The following FGFR3 variants were observed in gnomAD, a reference collection of about 807,000 sequenced individuals.
FGFR3 encodes fibroblast growth factor receptor 3, also known as FGFR-3.
Under a neutral mutation model 82.9 loss-of-function variants are expected in FGFR3, and 25 were observed. That is an observed-to-expected ratio of 0.30 (90% confidence interval 0.22 to 0.42). FGFR3 has a LOEUF of 0.42. Ranked by LOEUF, FGFR3 falls within the 10% of genes least tolerant of loss-of-function variation. FGFR3 has a pLI of 1.00. For missense variants in FGFR3, 1,026 were observed against 1,161.0 expected (o/e 0.88, Z 1.69); for synonymous variants, 620 against 516.0 (o/e 1.20, Z -2.73).
Position 1,808,685 on chromosome 4 carries a change from C to T in FGFR3, c.*1423C>T. 4.3e-6 allele frequency: 1 copy of T among 232,416 alleles called. No homozygotes were observed. The highest frequency in any genetic ancestry group is 8.5e-6 in the Non-Finnish European group (1 of 117,390). 14.4% of individuals were successfully genotyped at this position (232,416 alleles called of 1,614,324 possible). ...AAGCCGTGAATTCAGTTGGTTCGTT[C>T]TGTACTGTTACTGGGCCCTGAGTCT... is the stretch of plus-strand genomic sequence containing the variant. On this transcript the variant is annotated 3_prime_UTR_variant, in exon 18 of 18. Coordinates refer to ENST00000440486, the MANE Select transcript of FGFR3 (RefSeq NM_000142.5).
At position 1,808,425 on chromosome 4, in the gene FGFR3, G is replaced by T. The variant is rs1403473939; in HGVS notation, c.*1163G>T. ...ATTTTTTGGACTTCAAAGCAAGCTG[G>T]TATTTTCATACAAATTCTTCTAATT... On this transcript the variant is annotated 3_prime_UTR_variant, in exon 18 of 18. Coordinates refer to ENST00000440486, the MANE Select transcript of FGFR3 (RefSeq NM_000142.5). The T allele has an allele frequency of 4.3e-6, 1 of 232,250 alleles. No individual in the cohort carries two copies. The highest frequency in any genetic ancestry group is 8.5e-6 in the Non-Finnish European group (1 of 117,310). 14.4% of individuals were successfully genotyped at this position (232,250 alleles called of 1,614,324 possible). A position where few individuals can be genotyped will look rare whatever the true frequency, so the allele number is the denominator to read the frequency against.
At chr4:1,805,045 C>G in intron 10 of FGFR3, 76 bp downstream of exon 10, 3 of 1,486,110 alleles carry the variant, frequency 2.0e-6, no homozygotes, top group Non-Finnish European at 2.7e-6. Flanking sequence ...GTCAGAGGCC[C>G]GGCTGGGTTT....
rs768644781 is a variant in FGFR3 at position 1,807,228 on chromosome 4, C to T, written c.2387C>T (p.Pro796Leu). 2.5e-6 allele frequency: 4 copies of T among 1,607,784 alleles called. No individual in the cohort carries two copies. The highest frequency in any genetic ancestry group is 4.5e-5 in the East Asian group (2 of 44,650). ...DSVFAHDLLP[P>L]APPSSGGSRT ...GTGTTTGCCCACGACCTGCTGCCCC[C>T]GGCCCCACCCAGCAGTGGGGGCTCG... The change falls in exon 18 of 18, where the codon CCG (proline) becomes CTG (leucine). Residue 796 changes from proline (P) to leucine (L), a missense_variant. Transcript: ENST00000440486.
At chr4:1,797,861 G>A (rs1354731632) in intron 2 of FGFR3, among the ~76,000 whole-genome samples, 1 of 152,206 alleles carries the variant, frequency 6.6e-6, no homozygotes, top group African/African-American at 2.4e-5. Context: ...GCTGGATCAG[G>A]TGGGTTGGGC....
intron 10 of FGFR3, 55 bp from the exon 11 acceptor site, chr4:1,805,300 T>A: frequency 6.2e-7 from 1 of 1,602,538 alleles, no homozygotes. Context: ...GGGACCGTGG[T>A]GGGCTGAGAG....
chr4:1,794,082 G>C (rs747769092), intron 2 of FGFR3, 39 bp downstream of exon 2: 1 of 1,236,760 alleles, frequency 8.1e-7, no homozygotes, highest in Non-Finnish European at 1.1e-6. Flanking sequence ...AGGCCGGCCC[G>C]TGCGGGCAGA....
intron 2 of FGFR3, among the ~76,000 whole-genome samples, chr4:1,796,473 A>G (rs1303699250): frequency 2.6e-5 from 4 of 152,006 alleles, no homozygotes; most frequent in Non-Finnish European, 5.9e-5. Context: ...AGAGAACTTC[A>G]TGTGCATCCG....
At position 1,801,422 on chromosome 4, in the gene FGFR3, G is replaced by A. The variant is rs111455601; in HGVS notation, c.501G>A (p.Pro167=). 42 of 1,552,896 alleles carry A rather than the reference G, an allele frequency of 2.7e-5. 2 individuals are homozygous for A. The highest frequency in any genetic ancestry group is 2.0e-4 in the African/African-American group (15 of 73,310). Residue 167 remains proline (P), a synonymous_variant, in exon 5 of 18, where the codon CCG becomes CCA. Coordinates refer to ENST00000440486, the MANE Select transcript of FGFR3 (RefSeq NM_000142.5). ...ERMDKKLLAV[P]AANTVRFRCP... is the part of the protein sequence containing the mutation. ...TGGACAAGAAGCTGCTGGCCGTGCC[G>A]GCCGCCAACACCGTCCGCTTCCGCT...
In FGFR3 at chr4:1,794,010, G is replaced by A. The variant is rs1720161001; in HGVS notation, c.76G>A (p.Gly26Arg). ...GGCCGGCGCCTCCTCGGAGTCCTTG[G>A]GGACGGAGCAGCGCGTCGTGGGGCG... ...IVAGASSESL[G>R]TEQRVVGRAA... The change falls in exon 2 of 18, where the codon GGG becomes AGG. Residue 26 changes from glycine (G) to arginine (R), a missense_variant. Gly to Arg is a moderately radical substitution (Grantham distance 125). Around this residue, in one of 9 missense-constraint regions of FGFR3, gnomAD observed 226 missense variants for 222.0 expected, o/e 1.02. Transcript: ENST00000440486. 2 of 1,415,208 alleles carry A rather than the reference G, an allele frequency of 1.4e-6. No individual in the cohort carries two copies. The highest frequency in any genetic ancestry group is 1.9e-6 in the Non-Finnish European group (2 of 1,073,044). 87.7% of individuals were successfully genotyped at this position (1,415,208 alleles called of 1,614,324 possible).
At position 1,803,764 on chromosome 4, in the gene FGFR3, G is replaced by A. The variant is rs772097747; in HGVS notation, c.1003G>A (p.Gly335Arg). ...SLHNVTFEDA[G>R]EYTCLAGNSI... ...GCACAACGTCACCTTTGAGGACGCC[G>A]GGGAGTACACCTGCCTGGCGGGCAA... Residue 335 changes from glycine to arginine, a missense_variant, in exon 8 of 18, where the codon GGG becomes AGG. Transcript: ENST00000440486. The A allele has an allele frequency of 6.2e-7, 1 of 1,614,060 alleles. No homozygotes were observed. Among genetic ancestry groups the A allele is most frequent in the Non-Finnish European group, 8.5e-7 (1 of 1,180,030 alleles).
Position 1,793,931 on chromosome 4 carries a change from C to T in FGFR3, c.-4C>T. 7.7e-7 allele frequency: 1 copy of T among 1,292,018 alleles called. No homozygotes were observed. Among genetic ancestry groups the T allele is most frequent in the Non-Finnish European group, 9.9e-7 (1 of 1,006,228 alleles). 80.0% of individuals were successfully genotyped at this position (1,292,018 alleles called of 1,614,324 possible). A position where few individuals can be genotyped will look rare whatever the true frequency, so the allele number is the denominator to read the frequency against. ...CTGAGGACGCCGCGGCCCCCGCCCC[C>T]GCCATGGGCGCCCCTGCCTGCGCCC... On this transcript the variant is annotated 5_prime_UTR_variant, in exon 2 of 18. Transcript: ENST00000440486.
At chr4:1,806,502 G>A (rs1394269879) in intron 15 of FGFR3, 44 bp from the exon 16 acceptor site, 2 of 1,612,524 alleles carry the variant, frequency 1.2e-6, no homozygotes, top group African/African-American at 1.3e-5. Context: ...CCAGGTGTCT[G>A]TCCTGGGAGT....
chr4:1,807,542 G>A lies in FGFR3; in HGVS notation c.*280G>A, dbSNP rs753781260. The A allele has an allele frequency of 4.2e-6, 3 of 711,464 alleles. No individual in the cohort carries two copies. The highest frequency in any genetic ancestry group is 3.7e-5 in the Admixed American group (2 of 53,952). 44.1% of individuals were successfully genotyped at this position (711,464 alleles called of 1,614,324 possible). ...TGCAGCACCGAGGGGCCTTTGTTCT[G>A]GGGGGACCCAGTGCAGAATGTAAGT... On this transcript the variant is annotated 3_prime_UTR_variant, in exon 18 of 18. Transcript: ENST00000440486.
At chr4:1,794,300 C>G (rs1322287475) in intron 2 of FGFR3, among the ~76,000 whole-genome samples, 2 of 152,228 alleles carry the variant, frequency 1.3e-5, no homozygotes, top group African/African-American at 2.4e-5. Flanking sequence ...TCCGCAGCCC[C>G]GATCCCCTGC....
chr4:1,794,087 G>C, intron 2 of FGFR3, 44 bp downstream of exon 2: 1 of 1,201,094 alleles, frequency 8.3e-7, no homozygotes, highest in South Asian at 2.4e-5. Flanking sequence ...GGCCCGTGCG[G>C]GCAGAGGCGT....
Position 1,804,852 on chromosome 4 carries a change from G to T in FGFR3, c.1295G>T (p.Ser432Ile), listed in dbSNP as rs974287483. Reference protein sequence around the residue: ...QVSLESNASMSSNTPLVRIAR... With the variant: ...QVSLESNASMISNTPLVRIAR... The stretch of plus-strand genomic sequence containing the variant: ...TCCCTGGAGTCCAACGCGTCCATGA[G>T]CTCCAACACACCACTGGTGCGCATC... Residue 432 changes from serine (S) to isoleucine (I), a missense_variant, in exon 10 of 18, where the codon AGC (serine) becomes ATC (isoleucine). By Grantham distance (142) the Ser-to-Ile change is moderately radical. Transcript: ENST00000440486. 6.5e-7 allele frequency: 1 copy of T among 1,549,902 alleles called. No individual in the cohort carries two copies. The highest frequency in any genetic ancestry group is 8.7e-7 in the Non-Finnish European group (1 of 1,146,948).
At chr4:1,795,460 G>A (rs1262162526) in intron 2 of FGFR3, among the ~76,000 whole-genome samples, 1 of 151,760 alleles carries the variant, frequency 6.6e-6, no homozygotes, top group Admixed American at 6.6e-5. Flanking sequence ...GCCCGCACTG[G>A]AGCTGGTGAA....
At chr4:1,803,279 AC>A in intron 7 of FGFR3, 1 of 573,994 alleles carries the variant, frequency 1.7e-6, no homozygotes, top group Non-Finnish European at 2.8e-6. Context: ...CACGCCTGCG[AC>A]CCCCACAGGA....
In FGFR3 at chr4:1,799,247, C is replaced by A. The variant is rs781139147; in HGVS notation, c.110-7C>A. The A allele has an allele frequency of 4.3e-6, 7 of 1,612,174 alleles. No individual in the cohort carries two copies. The African/African-American group carries it at 9.3e-5, about 22-fold the overall frequency. On this transcript the variant is annotated splice_polypyrimidine_tract_variant and splice_region_variant and intron_variant, in intron 2 of 17. Coordinates refer to ENST00000440486, the MANE Select transcript of FGFR3 (RefSeq NM_000142.5). ...GCCTGCCTCATGGTTGCCCATCTTC[C>A]CCACAGAAGTCCCGGGCCCAGAGCC...
Sources: gnomAD v4.1 joint callset for allele counts (sites outside exome capture counted in the v4.1 genomes callset) on GRCh38, gnomAD v4.1.1 for gene constraint, gnomAD v4.1.1 regional missense constraint, MANE v1.5 for transcripts, NCBI Gene and HGNC (gene_info 2026-07-23, HGNC 2026-07-21) for gene names.